MORC3: variants seen among roughly 807,000 people sequenced by gnomAD.
MORC3 encodes the protein MORC family CW-type zinc finger 3, also known as MORC family CW-type zinc finger protein 3.
A neutral mutation model predicts 109.1 loss-of-function variants in MORC3; 31 were observed. The observed-to-expected ratio is 0.28, with a 90% CI of 0.21 to 0.38. The LOEUF is 0.38. Among genes scored for constraint, MORC3 ranks in the 10% least tolerant of loss-of-function variants. MORC3 has a pLI of 1.00. For missense variants in MORC3, 867 were observed against 1,135.8 expected, an observed-to-expected ratio of 0.76 and a Z score of 3.40; for synonymous variants, 395 against 380.7, an observed-to-expected ratio of 1.04 and a Z score of -0.44.
chr21:36,351,057 CTTTT>C (rs748042243), intron 9 of MORC3, among the ~76,000 whole-genome samples: 86 of 71,440 alleles, frequency 1.2e-3, no homozygotes, highest in African/African-American at 4.0e-3. Flanking sequence ...GGTTGTCCTC[CTTTT>C]TTTTTTTTTT....
At chr21:36,373,051 GTAGA>G (rs1187611225) in intron 16 of MORC3, among the ~76,000 whole-genome samples, 1 of 152,062 alleles carries the variant, frequency 6.6e-6, no homozygotes, top group African/African-American at 2.4e-5. Context: ...ATTAAAACAA[GTAGA>G]TAGGCCAGGC....
intron 8 of MORC3, among the ~76,000 whole-genome samples, chr21:36,347,438 T>C (rs1040459633): frequency 2.0e-5 from 3 of 152,224 alleles, no homozygotes; most frequent in South Asian, 2.1e-4. Flanking sequence ...GTACTGTACA[T>C]ATTTCCTAGT....
At position 36,364,347 on chromosome 21, in the gene MORC3, CATTGTAGGTTCCATTGTGA is replaced by C. The variant is rs1207675943; in HGVS notation, c.1619+103_1619+121del. The C allele has an allele frequency of 1.5e-6, 2 of 1,362,266 alleles. 1 individual carries two copies. Among genetic ancestry groups the C allele is most frequent in the South Asian group, 2.5e-5 (2 of 79,054 alleles). The allele number at this position is 1,362,266 out of a possible 1,614,324, so 84.4% of individuals were successfully genotyped here. ...CTGTGACAGTGATGCAATTCGGGATCATTGTAGGTTCCATTGTGAATTGTAGGTTCCATGAATGTGAAAA... is the reference window on the plus strand; with the variant it reads ...CTGTGACAGTGATGCAATTCGGGATCATTGTAGGTTCCATGAATGTGAAAA... On this transcript the variant is annotated intron_variant, in intron 14 of 16. Coordinates refer to ENST00000400485, the MANE Select transcript of MORC3 (RefSeq NM_015358.3).
At chr21:36,347,998 A>G (rs2085529901) in intron 8 of MORC3, 1 of 152,192 alleles carries the variant, frequency 6.6e-6, no homozygotes. Flanking sequence ...ATAGAGCAGA[A>G]TTAGGATTAG....
At chr21:36,354,253 A>G (rs1271515184) in intron 9 of MORC3, among the ~76,000 whole-genome samples, 1 of 151,458 alleles carries the variant, frequency 6.6e-6, no homozygotes, top group African/African-American at 2.4e-5. Context: ...AGGCACACTC[A>G]GTTTAATTTT....
chr21:36,344,475 A>G (rs776904518), intron 6 of MORC3, 104 bp from the exon 7 acceptor site: 7 of 1,299,812 alleles, frequency 5.4e-6, no homozygotes, highest in Admixed American at 2.3e-5. Context: ...TGAAGAGTTA[A>G]TTGATCTTTT....
chr21:36,366,543 C>A (rs1254575102), intron 14 of MORC3, among the ~76,000 whole-genome samples: 3 of 152,006 alleles, frequency 2.0e-5, no homozygotes, highest in African/African-American at 7.2e-5. Context: ...GCAACCTCTG[C>A]CTCCTGGTTC....
At chr21:36,328,633 G>A (rs978333464) in intron 1 of MORC3, among the ~76,000 whole-genome samples, 4 of 151,916 alleles carry the variant, frequency 2.6e-5, no homozygotes, top group African/African-American at 4.8e-5. Context: ...GAGCCACCGC[G>A]CCTGGCCAAT....
Position 36,320,241 on chromosome 21 carries a change from T to C in MORC3, c.-24T>C. On this transcript the variant is annotated 5_prime_UTR_variant, in exon 1 of 17. Transcript: ENST00000400485. ...CCAGTCGGGTTGCGGCGGAGGCCGT[T>C]CCTGGCTTTGTAGCTCGCTCAAGAT... 2 of 1,577,854 alleles carry C rather than the reference T, an allele frequency of 1.3e-6. No individual in the cohort carries two copies. Among genetic ancestry groups the C allele is most frequent in the South Asian group, 1.2e-5 (1 of 86,672 alleles).
chr21:36,363,846 A>G (rs553934010), intron 13 of MORC3, among the ~76,000 whole-genome samples: 4 of 152,286 alleles, frequency 2.6e-5, no homozygotes, highest in Admixed American at 2.6e-4. Flanking sequence ...TCTGTTGCAT[A>G]TTCTTTGTTT....
chr21:36,354,710 C>T (rs73383707), intron 9 of MORC3, among the ~76,000 whole-genome samples: 7,163 of 152,262 alleles, frequency 0.047, 542 homozygotes, highest in African/African-American at 0.16. Context: ...TAAAAGAAAT[C>T]AAAAGCAGTC....
At chr21:36,334,285 T>TA (rs1236345258) in intron 2 of MORC3, among the ~76,000 whole-genome samples, 1 of 152,168 alleles carries the variant, frequency 6.6e-6, no homozygotes, top group African/African-American at 2.4e-5. Context: ...ACATTAATGA[T>TA]AAAAATTGCA....
At chr21:36,349,534 A>C in intron 9 of MORC3, 126 bp downstream of exon 9, 1 of 535,404 alleles carries the variant, frequency 1.9e-6, no homozygotes, top group Non-Finnish European at 3.1e-6. Context: ...TGAATATACT[A>C]CTTGTGATGG....
At chr21:36,328,679 G>T (rs921739736) in intron 1 of MORC3, among the ~76,000 whole-genome samples, 1 of 152,040 alleles carries the variant, frequency 6.6e-6, no homozygotes, top group East Asian at 1.9e-4. Context: ...GTTTCACCAT[G>T]TCAACGAGGC....
intron 1 of MORC3, among the ~76,000 whole-genome samples, chr21:36,333,228 T>C (rs2085335568): frequency 6.6e-6 from 1 of 152,194 alleles, no homozygotes; most frequent in South Asian, 2.1e-4. Flanking sequence ...CACAGTTAAG[T>C]TTATTAGGCC....
At chr21:36,355,150 C>T (rs1461164074) in intron 9 of MORC3, among the ~76,000 whole-genome samples, 1 of 152,058 alleles carries the variant, frequency 6.6e-6, no homozygotes, top group Admixed American at 6.6e-5. Flanking sequence ...CAATCTTTTC[C>T]GTAGATTTGC....
chr21:36,358,478 G>T (rs976725023), intron 10 of MORC3, among the ~76,000 whole-genome samples: 1 of 151,686 alleles, frequency 6.6e-6, no homozygotes. Context: ...TACATAGGCT[G>T]TATCCAGTGG....
chr21:36,328,442 A>G (rs552300882), intron 1 of MORC3, among the ~76,000 whole-genome samples: 85 of 151,078 alleles, frequency 5.6e-4, no homozygotes, highest in African/African-American at 1.8e-3. Flanking sequence ...ACTGGGTTCA[A>G]GTGATTCTCC....
chr21:36,341,694 GCC>G, intron 6 of MORC3, 148 bp downstream of exon 6: 1 of 1,090,808 alleles, frequency 9.2e-7, no homozygotes, highest in Non-Finnish European at 1.3e-6. Context: ...GGCCCACTCA[GCC>G]TGGGCAACAG....
Sources: gnomAD v4.1 joint callset for allele counts (sites outside exome capture counted in the v4.1 genomes callset) on GRCh38, gnomAD v4.1.1 for gene constraint, MANE v1.5 for transcripts, NCBI Gene and HGNC (gene_info 2026-07-23, HGNC 2026-07-21) for gene names.